LPP: variants seen among roughly 807,000 people sequenced by gnomAD.
LPP encodes the protein lipoma-preferred partner.
A neutral mutation model predicts 60.4 loss-of-function variants in LPP; 38 were observed. That is an observed-to-expected ratio of 0.63 (90% CI 0.49 to 0.83). The LOEUF is 0.83. LPP is among the 40% of genes least tolerant of loss of function. The pLI, the probability that LPP is intolerant of heterozygous loss-of-function variation, is 0.00. For synonymous variants in LPP, 328 were observed against 290.8 expected (o/e 1.13, Z -1.30); for missense variants, 902 against 783.6 (o/e 1.15, Z -1.80).
At chr3:188,865,974 A>G (rs1766482683) in intron 9 of LPP, among the ~76,000 whole-genome samples, 1 of 152,166 alleles carries the variant, frequency 6.6e-6, no homozygotes, top group African/African-American at 2.4e-5. Context: ...CCTTCTCTCT[A>G]TAACACACTT....
rs371144803 is a variant in LPP, at chr3:188,516,397, C to T, written c.307-8268C>T. 3.9e-5 allele frequency among the ~76,000 whole-genome samples: 6 copies of T among 152,052 alleles called. No homozygotes were observed. In the South Asian group the frequency reaches 1.0e-3, roughly 26 times the overall value. ...CCAGGATCCGTTTGGTGAGGCTGCT[C>T]ATATTACTATACAGCATGAGAGATT... On this transcript the variant is annotated intron_variant, in intron 5 of 11. Coordinates refer to ENST00000617246, the MANE Select transcript of LPP (RefSeq NM_001375462.1).
intron 7 of LPP, among the ~76,000 whole-genome samples, chr3:188,653,366 A>G (rs185959888): frequency 2.2e-3 from 331 of 152,112 alleles, no homozygotes; most frequent in Middle Eastern, 0.01. Flanking sequence ...TTGTCATACC[A>G]TGTTTCTATT....
At chr3:188,268,285 A>AAACAAG (rs1186962232) in intron 2 of LPP, among the ~76,000 whole-genome samples, 1 of 148,536 alleles carries the variant, frequency 6.7e-6, no homozygotes, top group Non-Finnish European at 1.5e-5. Flanking sequence ...ACAAAAACAA[A>AAACAAG]AACAAAAAAA....
rs147353658 is a variant in LPP, at chr3:188,362,313, T to G, written c.-10+20594T>G. 3.7e-3 allele frequency among the ~76,000 whole-genome samples: 558 copies of G among 152,320 alleles called. 2 individuals are homozygous for G. Among genetic ancestry groups the G allele is most frequent in the Non-Finnish European group, 5.9e-3 (403 of 68,018 alleles). On this transcript the variant is annotated intron_variant, in intron 3 of 11. Transcript: ENST00000617246. ...AATATGAGAATATCTTCTCCAAAGA[T>G]TCTATGCTAATATCCTGATCCATCT...
chr3:188,701,492 C>T (rs993481653), intron 7 of LPP, among the ~76,000 whole-genome samples: 15 of 152,176 alleles, frequency 9.9e-5, no homozygotes, highest in African/African-American at 3.4e-4. Flanking sequence ...ATTGTATTGC[C>T]GTAAGGCAGG....
intron 9 of LPP, among the ~76,000 whole-genome samples, chr3:188,845,133 C>G (rs1354545272): frequency 1.3e-5 from 2 of 152,160 alleles, no homozygotes; most frequent in Non-Finnish European, 2.9e-5. Context: ...GAATTTTTTA[C>G]CAAATTGAGA....
rs759239437 is a variant in LPP, at chr3:188,572,328, G to A, written c.430-36833G>A. Among the ~76,000 whole-genome samples, 2 of 151,940 alleles carry A rather than the reference G, an allele frequency of 1.3e-5. No homozygotes were observed. Among genetic ancestry groups the A allele is most frequent in the African/African-American group, 2.4e-5 (1 of 41,362 alleles). Reference sequence around the variant, plus strand: ...TTAAATGGTAGTAATTTTTGTTTCCGGTTTTGTAATAGCTAATGGTGTATT... The same window carrying A: ...TTAAATGGTAGTAATTTTTGTTTCCAGTTTTGTAATAGCTAATGGTGTATT... On this transcript the variant is annotated intron_variant, in intron 6 of 11. Coordinates refer to ENST00000617246, the MANE Select transcript of LPP (RefSeq NM_001375462.1). The surrounding 1 kb of genome is among the most constrained non-coding windows in gnomAD (Gnocchi z 4.1).
rs571170087 is a variant in LPP, at chr3:188,660,697, A to C, written c.1114-47570A>C. ...AATAGGCATTTTACTTTTAAAAGGAAGGTTCACAGTCAAACTGAGCAGAAA... is the reference window on the plus strand; with the variant it reads ...AATAGGCATTTTACTTTTAAAAGGACGGTTCACAGTCAAACTGAGCAGAAA... On this transcript the variant is annotated intron_variant, in intron 7 of 11. Coordinates refer to ENST00000617246, the MANE Select transcript of LPP (RefSeq NM_001375462.1). Among the ~76,000 whole-genome samples, 6 of 151,856 alleles carry C rather than the reference A, an allele frequency of 4.0e-5. No homozygotes were observed. The East Asian group carries it at 1.2e-3, about 29-fold the overall frequency.
chr3:188,322,295 C>A (rs1757172417), intron 2 of LPP, among the ~76,000 whole-genome samples: 1 of 152,148 alleles, frequency 6.6e-6, no homozygotes, highest in Admixed American at 6.5e-5. Context: ...GAACATATGA[C>A]TTATAGGCCC....
At chr3:188,702,198 C>T (rs1020461185) in intron 7 of LPP, among the ~76,000 whole-genome samples, 1 of 151,938 alleles carries the variant, frequency 6.6e-6, no homozygotes, top group African/African-American at 2.4e-5. Context: ...CCTCGTGATC[C>T]GCCTCCCTCA....
intron 8 of LPP, among the ~76,000 whole-genome samples, chr3:188,747,189 C>T (rs951505107): frequency 1.3e-5 from 2 of 152,142 alleles, no homozygotes; most frequent in African/African-American, 4.8e-5. Context: ...CAAATCCTTC[C>T]TATAATGCTT....
rs565549085 is a variant in LPP, at chr3:188,536,499, A to T, written c.429+11712A>T. Among the ~76,000 whole-genome samples, 475 of 152,338 alleles carry T rather than the reference A, an allele frequency of 3.1e-3. 4 individuals carry two copies. The highest frequency in any genetic ancestry group is 0.01 in the Middle Eastern group (3 of 294). ...CCAATTAATTGTCTAAATCTAAGTCATGCTTTTTAAGTGGAAATAAACTTT... is the reference window on the plus strand; with the variant it reads ...CCAATTAATTGTCTAAATCTAAGTCTTGCTTTTTAAGTGGAAATAAACTTT... On this transcript the variant is annotated intron_variant, in intron 6 of 11. Coordinates refer to ENST00000617246, the MANE Select transcript of LPP (RefSeq NM_001375462.1).
chr3:188,351,694 C>T (rs547144848), intron 3 of LPP, among the ~76,000 whole-genome samples: 3 of 152,308 alleles, frequency 2.0e-5, no homozygotes, highest in African/African-American at 7.2e-5. Context: ...AAGCTCTTTC[C>T]TGTAAGCTCT....
intron 7 of LPP, among the ~76,000 whole-genome samples, chr3:188,657,424 CT>C (rs1022344234): frequency 6.6e-6 from 1 of 151,766 alleles, no homozygotes; most frequent in African/African-American, 2.4e-5. Context: ...ATTTGCTATA[CT>C]TGGCTTTCCT....
intron 4 of LPP, among the ~76,000 whole-genome samples, chr3:188,469,395 T>C (rs930135080): frequency 2.0e-5 from 3 of 152,088 alleles, no homozygotes; most frequent in African/African-American, 7.2e-5. Flanking sequence ...CATCGCATTT[T>C]TGAGGACAAA....
chr3:188,511,367 G>T (rs1398277417), intron 5 of LPP, among the ~76,000 whole-genome samples: 1 of 133,372 alleles, frequency 7.5e-6, no homozygotes, highest in East Asian at 2.4e-4. Context: ...CTTCATATCA[G>T]TGTGTCTTGA....
intron 1 of LPP, among the ~76,000 whole-genome samples, chr3:188,196,331 G>A (rs913549264): frequency 1.3e-5 from 2 of 152,190 alleles, no homozygotes; most frequent in African/African-American, 2.4e-5. Flanking sequence ...GGGGCTCACC[G>A]TGTCTTTTGG....
chr3:188,630,277 C>T (rs1847622833), intron 7 of LPP, among the ~76,000 whole-genome samples: 1 of 151,898 alleles, frequency 6.6e-6, no homozygotes, highest in African/African-American at 2.4e-5. Context: ...AATCAGCAAG[C>T]AAAAAGCATC....
At chr3:188,748,320 T>C (rs565088674) in intron 8 of LPP, among the ~76,000 whole-genome samples, 1 of 152,200 alleles carries the variant, frequency 6.6e-6, no homozygotes, top group Admixed American at 6.5e-5. Flanking sequence ...CAGTAATACT[T>C]TGAGGTACCT....
Sources: gnomAD v4.1 joint callset for allele counts (sites outside exome capture counted in the v4.1 genomes callset) on GRCh38, gnomAD v4.1.1 for gene constraint, Gnocchi (gnomAD v3.1) non-coding constraint, MANE v1.5 for transcripts, NCBI Gene and HGNC (gene_info 2026-07-23, HGNC 2026-07-21) for gene names.